The following GRM8 variants were observed in gnomAD, a reference collection of about 807,000 sequenced individuals.
The protein encoded by GRM8 is metabotropic glutamate receptor 8.
Under a neutral mutation model 87.2 loss-of-function variants are expected in GRM8, and 47 were observed. The observed-to-expected ratio is 0.54, with a 90% CI of 0.43 to 0.69. The LOEUF is 0.69. GRM8 is among the 30% of genes least tolerant of loss of function. GRM8 has a pLI of 0.00. For synonymous variants in GRM8, 396 were observed against 404.5 expected (o/e 0.98, Z 0.25); for missense variants, 1,019 against 1,139.2 (o/e 0.89, Z 1.52).
chr7:126,615,966 C>T lies in GRM8; in HGVS notation c.1358-6468G>A, dbSNP rs989162683. Among the ~76,000 whole-genome samples, 83 of 152,096 alleles carry T rather than the reference C, an allele frequency of 5.5e-4. 1 individual carries two copies. The highest frequency in any genetic ancestry group is 1.4e-3 in the Admixed American group (21 of 15,288). On this transcript the variant is annotated intron_variant, in intron 7 of 10. Transcript: ENST00000339582. Reference sequence around the variant, plus strand: ...CCACTGTCAACATTAGACAGATCAACGAGACAGAAAGTTAACAAGGATATC... The same window carrying T: ...CCACTGTCAACATTAGACAGATCAATGAGACAGAAAGTTAACAAGGATATC...
rs184077901 is a variant in GRM8 at position 126,507,531 on chromosome 7, T to C, written c.2430+25421A>G. On this transcript the variant is annotated intron_variant, in intron 9 of 10. Transcript: ENST00000339582. ...CATAACTATGACCTGTAATAAATTA[T>C]AATTTCTTTGGGTGAATTTATCCAT... Among the ~76,000 whole-genome samples, 48 of 152,198 alleles carry C rather than the reference T, an allele frequency of 3.2e-4. 2 individuals carry two copies. In the East Asian group the frequency reaches 7.2e-3, roughly 23 times the overall value.
chr7:126,534,459 C>G (rs1027848556), intron 8 of GRM8, among the ~76,000 whole-genome samples: 2 of 152,150 alleles, frequency 1.3e-5, no homozygotes, highest in African/African-American at 4.8e-5. Flanking sequence ...CTTGAAATAT[C>G]CTTTTTTTCT....
intron 2 of GRM8, among the ~76,000 whole-genome samples, chr7:127,139,019 T>A (rs1356566002): frequency 6.6e-6 from 1 of 152,174 alleles, no homozygotes; most frequent in Non-Finnish European, 1.5e-5. Context: ...GACAGATATA[T>A]GCGACATGCC....
chr7:127,024,315 A>T (rs1047315952), intron 3 of GRM8, among the ~76,000 whole-genome samples: 7 of 152,132 alleles, frequency 4.6e-5, no homozygotes, highest in African/African-American at 1.7e-4. Flanking sequence ...TTTTAATAGC[A>T]ATTATTTCAC....
At chr7:126,448,177 C>T (rs1802224761) in intron 9 of GRM8, among the ~76,000 whole-genome samples, 1 of 151,880 alleles carries the variant, frequency 6.6e-6, no homozygotes, top group African/African-American at 2.4e-5. Context: ...GTACAAACCA[C>T]ACCCATACAT....
chr7:126,808,459 C>T (rs1792982027), intron 6 of GRM8, among the ~76,000 whole-genome samples: 1 of 152,206 alleles, frequency 6.6e-6, no homozygotes, highest in Non-Finnish European at 1.5e-5. Context: ...CAATATCCTA[C>T]CTTACTGTAA....
intron 3 of GRM8, among the ~76,000 whole-genome samples, chr7:127,088,090 T>A (rs1823692215): frequency 6.6e-6 from 1 of 152,202 alleles, no homozygotes; most frequent in Admixed American, 6.5e-5. Context: ...AAACAAAATG[T>A]CTATTTCTCT....
chr7:127,015,000 GAAAGAA>G (rs1400356778), intron 3 of GRM8, among the ~76,000 whole-genome samples: 16 of 81,788 alleles, frequency 2.0e-4, no homozygotes, highest in African/African-American at 7.5e-4. Flanking sequence ...AGAAGAAGAA[GAAAGAA>G]GAAGAAGAAG....
At chr7:126,464,224 T>C (rs73722617) in intron 9 of GRM8, among the ~76,000 whole-genome samples, 4,619 of 151,766 alleles carry the variant, frequency 0.03, 239 homozygotes, top group African/African-American at 0.11. Context: ...CATCTTTTTA[T>C]AGTTTTTGTC....
chr7:126,630,583 A>C (rs1412749533), intron 7 of GRM8, among the ~76,000 whole-genome samples: 1 of 152,174 alleles, frequency 6.6e-6, no homozygotes, highest in African/African-American at 2.4e-5. Context: ...ACAACAACAA[A>C]AAACTTCAGG....
chr7:127,078,350 C>A (rs1822504765), intron 3 of GRM8, among the ~76,000 whole-genome samples: 2 of 152,190 alleles, frequency 1.3e-5, no homozygotes, highest in Non-Finnish European at 2.9e-5. Context: ...CAGCATAGAT[C>A]ATTCCCTTTT....
At chr7:126,572,789 A>G (rs919182781) in intron 8 of GRM8, among the ~76,000 whole-genome samples, 1 of 152,168 alleles carries the variant, frequency 6.6e-6, no homozygotes, top group African/African-American at 2.4e-5. Context: ...AAGGAGAGAA[A>G]GAGGGTAGTT....
intron 3 of GRM8, among the ~76,000 whole-genome samples, chr7:127,061,566 C>A (rs915609097): frequency 1.3e-5 from 2 of 152,158 alleles, no homozygotes; most frequent in African/African-American, 4.8e-5. Context: ...GGGGCCCCTG[C>A]AGCAGAATAT....
At chr7:127,155,742 T>C (rs1407437565) in intron 2 of GRM8, among the ~76,000 whole-genome samples, 1 of 152,144 alleles carries the variant, frequency 6.6e-6, no homozygotes, top group Non-Finnish European at 1.5e-5. Flanking sequence ...GTTTATAAAA[T>C]AAGCACACAA....
intron 6 of GRM8, among the ~76,000 whole-genome samples, chr7:126,901,721 A>T (rs2131196348): frequency 6.6e-6 from 1 of 152,322 alleles, no homozygotes; most frequent in South Asian, 2.1e-4. Flanking sequence ...ACACACATTC[A>T]AGTTGTGTAG....
At chr7:126,881,942 G>A (rs1800061474) in intron 6 of GRM8, among the ~76,000 whole-genome samples, 1 of 152,018 alleles carries the variant, frequency 6.6e-6, no homozygotes, top group South Asian at 2.1e-4. Context: ...AGTCATAAAA[G>A]ACAAGAATCA....
chr7:127,235,358 T>A lies in GRM8; in HGVS notation c.510+7337A>T, dbSNP rs28952008. On this transcript the variant is annotated intron_variant, in intron 2 of 10. Coordinates refer to ENST00000339582, the MANE Select transcript of GRM8 (RefSeq NM_000845.3). Reference sequence around the variant, plus strand: ...CATGCTGATTCTAAGTTATTGCATGTTTCGAAGAGACATGACTTGGAATGT... The same window carrying A: ...CATGCTGATTCTAAGTTATTGCATGATTCGAAGAGACATGACTTGGAATGT... Among the ~76,000 whole-genome samples, 75 of 152,322 alleles carry A rather than the reference T, an allele frequency of 4.9e-4. No individual in the cohort carries two copies. In the East Asian group the frequency reaches 0.014, roughly 29 times the overall value.
intron 2 of GRM8, among the ~76,000 whole-genome samples, chr7:127,241,591 G>GA (rs1798304457): frequency 6.6e-6 from 1 of 151,944 alleles, no homozygotes; most frequent in Non-Finnish European, 1.5e-5. Context: ...GTGCCACTAT[G>GA]CCGGGCTAAT....
chr7:126,663,137 T>C (rs1157225818), intron 7 of GRM8, among the ~76,000 whole-genome samples: 2 of 152,072 alleles, frequency 1.3e-5, no homozygotes, highest in African/African-American at 4.8e-5. Flanking sequence ...AATATCAAGT[T>C]CCAAAGTTGA....
Sources: allele counts gnomAD v4.1 joint callset (sites outside exome capture counted in the v4.1 genomes callset), GRCh38; gene constraint gnomAD v4.1.1; transcripts MANE v1.5; gene names NCBI Gene and HGNC (gene_info 2026-07-23, HGNC 2026-07-21).